DIAPH3: variants seen among roughly 807,000 people sequenced by gnomAD.
The protein encoded by DIAPH3 is diaphanous related formin 3, also known as protein diaphanous homolog 3.
Under a neutral mutation model 144.3 loss-of-function variants are expected in DIAPH3, and 117 were observed. The observed-to-expected ratio is 0.81, with a 90% CI of 0.70 to 0.95. The LOEUF is 0.95. Among genes scored for constraint, DIAPH3 ranks in the 40% least tolerant of loss-of-function variants. The pLI, the probability that DIAPH3 is intolerant of heterozygous loss-of-function variation, is 0.00. For synonymous variants in DIAPH3, 519 were observed against 488.9 expected, an observed-to-expected ratio of 1.06 and a Z score of -0.81; for missense variants, 1,421 against 1,412.7, an observed-to-expected ratio of 1.01 and a Z score of -0.09.
intron 5 of DIAPH3, among the ~76,000 whole-genome samples, chr13:60,039,943 G>A (rs76061985): frequency 0.014 from 2,120 of 152,050 alleles, 64 homozygotes; most frequent in East Asian, 0.1. Context: ...ATATTCAAAA[G>A]TATCTTCTTG....
intron 27 of DIAPH3, among the ~76,000 whole-genome samples, chr13:59,744,933 C>T (rs1362032555): frequency 6.6e-6 from 1 of 152,144 alleles, no homozygotes; most frequent in Non-Finnish European, 1.5e-5. Flanking sequence ...TGAGAACACT[C>T]AGGGAGAGAA....
chr13:59,750,510 T>C (rs1170756055), intron 27 of DIAPH3, among the ~76,000 whole-genome samples: 2 of 152,204 alleles, frequency 1.3e-5, no homozygotes, highest in Non-Finnish European at 2.9e-5. Context: ...AGGTATCACT[T>C]TGCCTTTTAT....
At chr13:59,961,919 TTCA>T (rs2049786170) in intron 17 of DIAPH3, among the ~76,000 whole-genome samples, 1 of 152,184 alleles carries the variant, frequency 6.6e-6, no homozygotes, top group Non-Finnish European at 1.5e-5. Context: ...ATTAATGAGT[TTCA>T]TATTTTGTCC....
intron 25 of DIAPH3, 85 bp downstream of exon 25, chr13:59,810,703 C>A: frequency 6.9e-7 from 1 of 1,447,428 alleles, no homozygotes; most frequent in Non-Finnish European, 9.4e-7. Context: ...TTTCCTTTTT[C>A]ACTAAGTTCA....
chr13:59,746,027 A>C (rs1365511885), intron 27 of DIAPH3, among the ~76,000 whole-genome samples: 1 of 152,186 alleles, frequency 6.6e-6, no homozygotes, highest in Non-Finnish European at 1.5e-5. Flanking sequence ...TACATCTTAA[A>C]AACAGCAATT....
At chr13:60,016,219 T>G in intron 5 of DIAPH3, 74 bp from the exon 6 acceptor site, 3 of 1,293,896 alleles carry the variant, frequency 2.3e-6, no homozygotes, top group South Asian at 1.2e-5. Context: ...TACCTACAAG[T>G]ATTTTATATT....
intron 27 of DIAPH3, among the ~76,000 whole-genome samples, chr13:59,768,434 G>A (rs2037961106): frequency 6.6e-6 from 1 of 152,102 alleles, no homozygotes; most frequent in Non-Finnish European, 1.5e-5. Context: ...TGTCTTCATT[G>A]TTTCCAAAGA....
intron 4 of DIAPH3, among the ~76,000 whole-genome samples, chr13:60,086,076 A>G (rs542514705): frequency 6.6e-6 from 1 of 152,108 alleles, no homozygotes; most frequent in Non-Finnish European, 1.5e-5. Context: ...AAAAAACGCT[A>G]TAATAAAAGA....
At chr13:59,942,047 G>C in intron 17 of DIAPH3, among the ~76,000 whole-genome samples, 1 of 152,098 alleles carries the variant, frequency 6.6e-6, no homozygotes, top group East Asian at 1.9e-4. Flanking sequence ...TTCACAAGCT[G>C]CTCCTTCTAA....
intron 2 of DIAPH3, among the ~76,000 whole-genome samples, chr13:60,131,248 G>A (rs986062666): frequency 4.0e-5 from 6 of 151,496 alleles, no homozygotes; most frequent in South Asian, 2.1e-4. Flanking sequence ...GGGCAACATA[G>A]GGAGATCTTG....
intron 27 of DIAPH3, among the ~76,000 whole-genome samples, chr13:59,707,967 T>C (rs1308838060): frequency 6.6e-6 from 1 of 151,456 alleles, no homozygotes; most frequent in African/African-American, 2.4e-5. Context: ...CAAACAAACA[T>C]ACTATTTCTC....
intron 15 of DIAPH3, among the ~76,000 whole-genome samples, chr13:59,972,035 T>C (rs2050414975): frequency 6.6e-6 from 1 of 152,224 alleles, no homozygotes; most frequent in South Asian, 2.1e-4. Flanking sequence ...CTTTGACAGA[T>C]CATAAGCTGA....
chr13:59,707,996 A>C (rs1048008578), intron 27 of DIAPH3, among the ~76,000 whole-genome samples: 9 of 151,942 alleles, frequency 5.9e-5, no homozygotes, highest in African/African-American at 9.7e-5. Flanking sequence ...AAAAAAAAAA[A>C]AACAAAAAAC....
chr13:60,144,319 GA>G (rs1316757163), intron 1 of DIAPH3, among the ~76,000 whole-genome samples: 16 of 152,136 alleles, frequency 1.1e-4, no homozygotes, highest in Non-Finnish European at 1.9e-4. Context: ...GTGCAACCTG[GA>G]AACAAAACTA....
At chr13:59,889,502 T>A (rs1168761536) in intron 20 of DIAPH3, among the ~76,000 whole-genome samples, 1 of 152,066 alleles carries the variant, frequency 6.6e-6, no homozygotes, top group Non-Finnish European at 1.5e-5. Context: ...ATTATGACCA[T>A]GTTTTTCTTT....
At chr13:59,851,280 G>C (rs1010702252) in intron 22 of DIAPH3, among the ~76,000 whole-genome samples, 4 of 152,110 alleles carry the variant, frequency 2.6e-5, no homozygotes, top group African/African-American at 4.8e-5. Flanking sequence ...CTCTGCTCCA[G>C]TCTCACTTCC....
intron 24 of DIAPH3, among the ~76,000 whole-genome samples, chr13:59,812,372 T>C (rs180875135): frequency 6.6e-6 from 1 of 151,556 alleles, no homozygotes; most frequent in Admixed American, 6.6e-5. Flanking sequence ...TAAATAGTAT[T>C]GTTGTAAAGT....
At chr13:59,923,078 T>G (rs1271798765) in intron 18 of DIAPH3, among the ~76,000 whole-genome samples, 1 of 152,140 alleles carries the variant, frequency 6.6e-6, no homozygotes, top group African/African-American at 2.4e-5. Context: ...ATTAGCTGTT[T>G]TAATTAAATT....
chr13:60,079,854 C>T (rs1170498109), intron 4 of DIAPH3, among the ~76,000 whole-genome samples: 2 of 151,818 alleles, frequency 1.3e-5, no homozygotes, highest in African/African-American at 4.8e-5. Context: ...TTTAAGAAGC[C>T]TTCAACTGTA....
Sources: allele counts gnomAD v4.1 joint callset (sites outside exome capture counted in the v4.1 genomes callset), GRCh38; gene constraint gnomAD v4.1.1; transcripts MANE v1.5; gene names NCBI Gene and HGNC (gene_info 2026-07-23, HGNC 2026-07-21).